Variants in SLC5A11 observed in about 807,000 individuals in gnomAD.
The protein encoded by SLC5A11 is solute carrier family 5 member 11.
Under a neutral mutation model 69.8 loss-of-function variants are expected in SLC5A11, and 48 were observed. The observed-to-expected ratio is 0.69, with a 90% CI of 0.55 to 0.87. SLC5A11 has a LOEUF of 0.87. Among genes scored for constraint, SLC5A11 ranks in the 40% least tolerant of loss-of-function variants. The pLI, the probability that SLC5A11 is intolerant of heterozygous loss-of-function variation, is 0.00. For synonymous variants in SLC5A11, 319 were observed against 342.4 expected, an observed-to-expected ratio of 0.93 and a Z score of 0.75; for missense variants, 784 against 866.1, an observed-to-expected ratio of 0.91 and a Z score of 1.19.
chr16:24,850,650 G>C (rs1044010014), intron 1 of SLC5A11, among the ~76,000 whole-genome samples: 1 of 152,136 alleles, frequency 6.6e-6, no homozygotes, highest in African/African-American at 2.4e-5. Flanking sequence ...TTGGAGCCCT[G>C]CTTCAGTCAT....
rs773704569 is a variant in SLC5A11 at position 24,877,372 on chromosome 16, G to C, written c.583+9G>C. 1 of 1,607,852 alleles carries C rather than the reference G, an allele frequency of 6.2e-7. No individual in the cohort carries two copies. Among genetic ancestry groups the C allele is most frequent in the Admixed American group, 1.7e-5 (1 of 59,904 alleles). ...TGTATACACGGTTGCTGGTAAGACTGAACAAAGGGTAACACCTAGCAGAGG... is the reference window on the plus strand; with the variant it reads ...TGTATACACGGTTGCTGGTAAGACTCAACAAAGGGTAACACCTAGCAGAGG... On this transcript the variant is annotated intron_variant, in intron 7 of 15. Coordinates refer to ENST00000347898, the Ensembl canonical transcript of SLC5A11.
chr16:24,901,608 T>TA (rs963919869), intron 10 of SLC5A11, among the ~76,000 whole-genome samples: 7 of 151,398 alleles, frequency 4.6e-5, no homozygotes, highest in African/African-American at 9.7e-5. Flanking sequence ...AGACCTTGTT[T>TA]AAAAAAAATC....
At chr16:24,875,507 CAAG>C (rs2047610092) in intron 5 of SLC5A11, 117 bp from the exon 7 acceptor site, 2 of 767,242 alleles carry the variant, frequency 2.6e-6, no homozygotes, top group Admixed American at 2.2e-5. Context: ...TTGAGAATCC[CAAG>C]AAGACCATCT....
At chr16:24,874,923 G>C in intron 5 of SLC5A11, among the ~76,000 whole-genome samples, 1 of 151,858 alleles carries the variant, frequency 6.6e-6, no homozygotes, top group Middle Eastern at 3.4e-3. Flanking sequence ...TACATTTTCC[G>C]GCCATTTGGA....
intron 12 of SLC5A11, 123 bp from the exon 14 acceptor site, chr16:24,907,840 C>G: frequency 7.8e-7 from 1 of 1,289,592 alleles, no homozygotes; most frequent in Non-Finnish European, 1.1e-6. Context: ...GAGCTATGCT[C>G]TCACCACTGC....
At chr16:24,901,912 C>T (rs1000080609) in intron 10 of SLC5A11, among the ~76,000 whole-genome samples, 1 of 149,016 alleles carries the variant, frequency 6.7e-6, no homozygotes, top group African/African-American at 2.5e-5. Context: ...TGGCAAGATC[C>T]CATCTCTGGA....
chr16:24,874,183 G>A (rs11644447), intron 5 of SLC5A11, among the ~76,000 whole-genome samples: 70,040 of 151,878 alleles, frequency 0.46, 16,279 homozygotes, highest in Admixed American at 0.48. Context: ...ATTGCTATGC[G>A]GTATCGTGTA....
rs149260979 is a variant in SLC5A11 at position 24,850,232 on chromosome 16, G to A, written c.-25+3794G>A. ...CCCAGAATGCTGGGATTATAGGCAT[G>A]AGCCATTGAGCCCAGCCAGGATCTG... On this transcript the variant is annotated intron_variant, in intron 1 of 15. Coordinates refer to ENST00000347898, the Ensembl canonical transcript of SLC5A11. Among the ~76,000 whole-genome samples the A allele has an allele frequency of 6.7e-3, 1,015 of 152,326 alleles. 5 individuals are homozygous for A. The highest frequency in any genetic ancestry group is 0.01 in the Middle Eastern group (3 of 294).
intron 9 of SLC5A11, among the ~76,000 whole-genome samples, chr16:24,891,312 T>C (rs1031502222): frequency 4.8e-4 from 8 of 16,654 alleles, no homozygotes; most frequent in African/African-American, 1.2e-3. Context: ...CACTCTGCCT[T>C]TTTTTTTTTT....
At chr16:24,894,981 T>C (rs2049052127) in intron 9 of SLC5A11, among the ~76,000 whole-genome samples, 1 of 151,744 alleles carries the variant, frequency 6.6e-6, no homozygotes, top group Non-Finnish European at 1.5e-5. Context: ...TATTAATAGC[T>C]GGGTGTGGTG....
chr16:24,860,248 C>T (rs1231401340), intron 2 of SLC5A11, among the ~76,000 whole-genome samples: 1 of 152,074 alleles, frequency 6.6e-6, no homozygotes, highest in Non-Finnish European at 1.5e-5. Context: ...GATCGTGCCA[C>T]TGCACTCCAG....
chr16:24,869,958 G>A, exon 4 of SLC5A11: 1 of 1,614,164 alleles, frequency 6.2e-7, no homozygotes, highest in Non-Finnish European at 8.5e-7. Flanking sequence ...TGGCCTGGCA[G>A]GGTCAGGTGC....
chr16:24,897,843 G>C, intron 9 of SLC5A11, 131 bp from the exon 11 acceptor site: 1 of 1,183,312 alleles, frequency 8.5e-7, no homozygotes, highest in South Asian at 1.4e-5. Flanking sequence ...CCATGATTCA[G>C]TTATCTCCCA....
intron 12 of SLC5A11, 150 bp downstream of exon 13, chr16:24,907,325 C>G (rs908052410): frequency 1.4e-5 from 12 of 858,466 alleles, no homozygotes; most frequent in Middle Eastern, 3.4e-4. Context: ...AGATGCTGAA[C>G]GAGCACCTAC....
exon 9 of SLC5A11, chr16:24,891,068 G>A (rs376534051): frequency 1.7e-5 from 28 of 1,613,922 alleles, no homozygotes; most frequent in Admixed American, 1.5e-4. Flanking sequence ...ACTGGTGCAC[G>A]GATCAGGTAC....
chr16:24,888,357 A>AT (rs2152355480), intron 8 of SLC5A11, among the ~76,000 whole-genome samples: 1 of 152,278 alleles, frequency 6.6e-6, no homozygotes, highest in Non-Finnish European at 1.5e-5. Flanking sequence ...TTCATACTTA[A>AT]TACAGTCAAA....
chr16:24,851,459 C>T lies in SLC5A11; in HGVS notation c.-25+5021C>T, dbSNP rs557324304. Among the ~76,000 whole-genome samples the T allele has an allele frequency of 2.6e-5, 4 of 152,216 alleles. No individual in the cohort carries two copies. The South Asian group carries it at 8.3e-4, about 32-fold the overall frequency. On this transcript the variant is annotated intron_variant, in intron 1 of 15. Transcript: ENST00000347898. ...GCGAATCGCTTGGGGGCAGGAGAATCGCTTGAAGCCAGGAGGCAGAGGTTG... is the reference window on the plus strand; with the variant it reads ...GCGAATCGCTTGGGGGCAGGAGAATTGCTTGAAGCCAGGAGGCAGAGGTTG...
chr16:24,862,649 G>A (rs1015759317), exon 3 of SLC5A11: 35 of 1,613,298 alleles, frequency 2.2e-5, no homozygotes, highest in Non-Finnish European at 2.9e-5. Context: ...CTTCCTGGCT[G>A]GAGGGGACAT....
At chr16:24,895,125 A>AG (rs1272475690) in intron 9 of SLC5A11, among the ~76,000 whole-genome samples, 1 of 151,130 alleles carries the variant, frequency 6.6e-6, no homozygotes, top group African/African-American at 2.4e-5. Context: ...ATCCTGCCTC[A>AG]GAAAAAAAGA....
Sources: allele counts gnomAD v4.1 joint callset (sites outside exome capture counted in the v4.1 genomes callset), GRCh38; gene constraint gnomAD v4.1.1; transcripts MANE v1.5; gene names NCBI Gene and HGNC (gene_info 2026-07-23, HGNC 2026-07-21).